FAM20C: variants seen among roughly 807,000 people sequenced by gnomAD.
FAM20C encodes the protein extracellular serine/threonine protein kinase FAM20C.
FAM20C carries 40 observed loss-of-function variants against 51.5 expected under a neutral mutation model. The ratio of observed to expected loss-of-function variants is 0.78; its 90% CI spans 0.60 to 1.01. The LOEUF is 1.01. FAM20C is among the 50% of genes least tolerant of loss of function. The probability of loss-of-function intolerance (pLI) is 0.00; values close to 1 mark genes in which losing one functional copy is unlikely to be tolerated. For synonymous variants in FAM20C, 406 were observed against 380.6 expected (o/e 1.07, Z -0.78); for missense variants, 861 against 844.7 (o/e 1.02, Z -0.24).
chr7:211,327 A>C (rs1161518185), intron 3 of FAM20C, among the ~76,000 whole-genome samples: 17 of 42,788 alleles, frequency 4.0e-4, no homozygotes, highest in African/African-American at 6.6e-4. Flanking sequence ...CAGCCTCCCC[A>C]CAACCTCCCG....
chr7:218,476 G>A (rs1347321555), intron 3 of FAM20C, among the ~76,000 whole-genome samples: 2 of 152,244 alleles, frequency 1.3e-5, no homozygotes, highest in East Asian at 1.9e-4. Context: ...TGGTAAGCTC[G>A]TGGCCCAGCC....
intron 5 of FAM20C, among the ~76,000 whole-genome samples, chr7:254,421 C>T (rs931570082): frequency 6.6e-6 from 1 of 152,232 alleles, no homozygotes; most frequent in African/African-American, 2.4e-5. Flanking sequence ...ACCAGTTCTA[C>T]AGCCCCAGGC....
intron 3 of FAM20C, among the ~76,000 whole-genome samples, chr7:210,176 G>T (rs1049871682): frequency 6.6e-6 from 1 of 152,230 alleles, no homozygotes; most frequent in African/African-American, 2.4e-5. Context: ...TGGGATGAAC[G>T]CACGGGAGCT....
intron 9 of FAM20C, among the ~76,000 whole-genome samples, chr7:259,496 G>C (rs1788788640): frequency 6.6e-6 from 1 of 152,052 alleles, no homozygotes; most frequent in African/African-American, 2.4e-5. Context: ...CTCTTTATCT[G>C]TGTCTCTTTC....
At chr7:243,942 AT>A (rs1228792717) in intron 3 of FAM20C, among the ~76,000 whole-genome samples, 1 of 138,488 alleles carries the variant, frequency 7.2e-6, no homozygotes, top group Non-Finnish European at 1.6e-5. Flanking sequence ...AATAATAATA[AT>A]AATTATTATT....
intron 3 of FAM20C, among the ~76,000 whole-genome samples, chr7:232,986 G>A (rs922268131): frequency 1.8e-3 from 279 of 152,354 alleles, no homozygotes; most frequent in Non-Finnish European, 3.5e-3. Context: ...CGGACGTTCG[G>A]AACAGCAGGA....
chr7:231,771 G>A (rs568209538), intron 3 of FAM20C, among the ~76,000 whole-genome samples: 11 of 152,240 alleles, frequency 7.2e-5, no homozygotes, highest in East Asian at 1.9e-4. Flanking sequence ...CTCAGGCACC[G>A]GGTCTTTTTC....
intron 9 of FAM20C, 147 bp from the exon 10 acceptor site, chr7:259,584 C>CTCTCCCTCTCTTTCTCTCTT: frequency 4.7e-6 from 2 of 429,910 alleles, no homozygotes; most frequent in South Asian, 8.0e-5. Context: ...GTGTATGTCT[C>CTCTCCCTCTCTTTCTCTCTT]TGTCTTTTTC....
intron 3 of FAM20C, among the ~76,000 whole-genome samples, chr7:230,826 G>T (rs1787641915): frequency 6.7e-6 from 1 of 150,066 alleles, no homozygotes; most frequent in African/African-American, 2.4e-5. Flanking sequence ...ATCGGTTAAT[G>T]AAGGGAAGAG....
Position 255,985 on chromosome 7 carries a change from G to A in FAM20C, c.1209G>A (p.Trp403Ter), listed in dbSNP as rs1442008706. 1.3e-6 allele frequency: 2 copies of A among 1,536,142 alleles called. No individual in the cohort carries two copies. The highest frequency in any genetic ancestry group is 1.7e-6 in the Non-Finnish European group (2 of 1,146,796). The change falls in exon 6 of 10, where the codon TGG (tryptophan) becomes TGA (stop). Residue 403 changes from tryptophan to a stop codon, truncating the protein, a stop_gained. Coordinates refer to ENST00000313766, the MANE Select transcript of FAM20C (RefSeq NM_020223.4). LOFTEE classifies it high-confidence loss of function. ...PDLSLAKRKT[W>*]RNPWRRSYHK... The stretch of plus-strand genomic sequence containing the variant: ...TGTCCCTGGCCAAGAGGAAGACCTG[G>A]CGGAACCCTTGGCGGCGTTCCTACC...
chr7:218,543 G>A (rs1328994227), intron 3 of FAM20C, among the ~76,000 whole-genome samples: 1 of 152,170 alleles, frequency 6.6e-6, no homozygotes, highest in Non-Finnish European at 1.5e-5. Flanking sequence ...AGGGAGGGCG[G>A]GGCAGGGTCT....
intron 3 of FAM20C, among the ~76,000 whole-genome samples, chr7:216,676 T>A (rs1562376331): frequency 1.4e-5 from 2 of 142,638 alleles, no homozygotes; most frequent in African/African-American, 5.4e-5. Context: ...AGACAGAGTG[T>A]GTGTGAGAGT....
rs1583322689 is a variant in FAM20C, at chr7:236,696, TCGGGGTTTCA to T, written c.864-9718_864-9709del. 2.6e-3 allele frequency among the ~76,000 whole-genome samples: 397 copies of T among 151,396 alleles called. 31 individuals are homozygous for T. The highest frequency in any genetic ancestry group is 0.01 in the Middle Eastern group (3 of 292). ...AGATGATGATAAGGATGGTTGATGG[TCGGGGTTTCA>T]TGCGGAGGTGAGGCGGGTGCCCTGG... is the stretch of plus-strand genomic sequence containing the variant. On this transcript the variant is annotated intron_variant, in intron 3 of 9. Transcript: ENST00000313766.
intron 6 of FAM20C, chr7:256,267 G>A (rs1163945248): frequency 5.0e-6 from 3 of 603,362 alleles, no homozygotes; most frequent in African/African-American, 1.9e-5. Flanking sequence ...CAGGTCCCTC[G>A]AATCGGGGCC....
At chr7:196,808 C>T (rs981656960) in intron 2 of FAM20C, among the ~76,000 whole-genome samples, 5 of 152,178 alleles carry the variant, frequency 3.3e-5, no homozygotes. Flanking sequence ...GCTGGGCACT[C>T]ACCTGGTCAT....
intron 3 of FAM20C, chr7:228,609 G>A (rs557796556): frequency 3.9e-5 from 18 of 456,164 alleles, no homozygotes; most frequent in South Asian, 9.3e-5. Context: ...CCACAGAGCC[G>A]GTGTGAGCCA....
chr7:202,348 A>G (rs866682185), intron 2 of FAM20C, among the ~76,000 whole-genome samples: 148 of 89,810 alleles, frequency 1.6e-3, no homozygotes, highest in Middle Eastern at 7.8e-3. Flanking sequence ...AGAATGGGTG[A>G]CTGCTGGGTG....
At chr7:230,205 G>A (rs996827548) in intron 3 of FAM20C, among the ~76,000 whole-genome samples, 10 of 152,088 alleles carry the variant, frequency 6.6e-5, no homozygotes, top group Non-Finnish European at 1.2e-4. Context: ...GAGATTAAAC[G>A]CAGAGGAGGA....
rs948313681 is a variant in FAM20C, at chr7:208,895, C to T, written c.785-3C>T. 40 of 1,569,356 alleles carry T rather than the reference C, an allele frequency of 2.5e-5. No homozygotes were observed. The highest frequency in any genetic ancestry group is 3.1e-5 in the Non-Finnish European group (36 of 1,157,172). Reference sequence around the variant, plus strand: ...ACCCTGTTTCTCTCCCTCCTTCCTGCAGCCATGAAGTCGGGGGGCACGCAG... The same window carrying T: ...ACCCTGTTTCTCTCCCTCCTTCCTGTAGCCATGAAGTCGGGGGGCACGCAG... On this transcript the variant is annotated splice_region_variant and splice_polypyrimidine_tract_variant and intron_variant, in intron 2 of 9. Transcript: ENST00000313766.
Sources: allele counts gnomAD v4.1 joint callset (sites outside exome capture counted in the v4.1 genomes callset), GRCh38; gene constraint gnomAD v4.1.1; transcripts MANE v1.5; gene names NCBI Gene and HGNC (gene_info 2026-07-23, HGNC 2026-07-21).